Variants in IL34 observed in about 807,000 individuals in gnomAD.
IL34 encodes interleukin-34.
In IL34, 17 loss-of-function variants were observed where a neutral mutation model predicts 25.3. The observed-to-expected ratio is 0.67, with a 90% CI of 0.46 to 1.01. IL34 has a LOEUF of 1.01. Among genes scored for constraint, IL34 ranks in the 50% least tolerant of loss-of-function variants. The probability of loss-of-function intolerance (pLI) is 0.00; values close to 1 mark genes in which losing one functional copy is unlikely to be tolerated. For synonymous variants in IL34, 174 were observed against 140.9 expected (o/e 1.23, Z -1.66); for missense variants, 368 against 312.9 (o/e 1.18, Z -1.33).
chr16:70,584,262 G>A (rs1449425399), intron 1 of IL34, among the ~76,000 whole-genome samples: 5 of 152,164 alleles, frequency 3.3e-5, no homozygotes, highest in Non-Finnish European at 5.9e-5. Flanking sequence ...TGTCCCCTGG[G>A]AACTGGGCTG....
At chr16:70,648,015 G>A (rs1282029059) in intron 1 of IL34, among the ~76,000 whole-genome samples, 1 of 152,218 alleles carries the variant, frequency 6.6e-6, no homozygotes, top group East Asian at 1.9e-4. Context: ...AGGTTTGGCG[G>A]TGGGATGGTG....
At chr16:70,658,297 A>G (rs1393637622) in intron 4 of IL34, among the ~76,000 whole-genome samples, 1 of 152,064 alleles carries the variant, frequency 6.6e-6, no homozygotes, top group African/African-American at 2.4e-5. Flanking sequence ...AGACTCCTTG[A>G]TCTGCTTGGT....
intron 1 of IL34, among the ~76,000 whole-genome samples, chr16:70,586,659 A>ATG (rs1193794910): frequency 6.6e-6 from 1 of 152,118 alleles, no homozygotes; most frequent in Non-Finnish European, 1.5e-5. Context: ...CGTGGGGTAG[A>ATG]TGTGGGGTAG....
intron 1 of IL34, among the ~76,000 whole-genome samples, chr16:70,638,014 G>A (rs2051695391): frequency 6.6e-6 from 1 of 152,074 alleles, no homozygotes; most frequent in Non-Finnish European, 1.5e-5. Flanking sequence ...GGATATCCCA[G>A]GCATTCAGCT....
intron 1 of IL34, among the ~76,000 whole-genome samples, chr16:70,653,346 C>CAAAAAAAAA (rs200626111): frequency 0.011 from 915 of 86,714 alleles, 3 homozygotes; most frequent in Middle Eastern, 0.015. Flanking sequence ...AACCCTGTCT[C>CAAAAAAAAA]AAAAAAAAAA....
chr16:70,592,553 C>T (rs1229436537), intron 1 of IL34, among the ~76,000 whole-genome samples: 1 of 152,020 alleles, frequency 6.6e-6, no homozygotes, highest in Admixed American at 6.5e-5. Context: ...AAAGCCTATA[C>T]CAGTTGCTGA....
In IL34 at chr16:70,600,930, AGC is replaced by A. The variant is rs1255606262; in HGVS notation, c.-401+20882_-401+20883del. ...GGAGAAATGAGAAGATGCTGGCAGA[AGC>A]AGGGCTGCTGGGAGGAGTAGGGGAT... On this transcript the variant is annotated intron_variant, in intron 1 of 6. Coordinates refer to the IL34 transcript ENST00000429149. Among the ~76,000 whole-genome samples, 433 of 141,930 alleles carry A rather than the reference AGC, an allele frequency of 3.1e-3. 2 individuals are homozygous for A. Among genetic ancestry groups the A allele is most frequent in the African/African-American group, 0.012 (403 of 32,690 alleles). The allele number at this position is 141,930 out of a possible 152,430, so 93.1% of individuals were successfully genotyped here.
intron 1 of IL34, among the ~76,000 whole-genome samples, chr16:70,593,838 T>A (rs1299919725): frequency 3.3e-5 from 5 of 152,300 alleles, no homozygotes; most frequent in African/African-American, 1.2e-4. Flanking sequence ...TATCTAGATT[T>A]TTTTCTTGCA....
At chr16:70,615,998 T>C (rs1256577559) in intron 1 of IL34, among the ~76,000 whole-genome samples, 3 of 152,174 alleles carry the variant, frequency 2.0e-5, no homozygotes. Context: ...CAGATATTTA[T>C]AGATAAAAGC....
intron 1 of IL34, among the ~76,000 whole-genome samples, chr16:70,627,928 A>G (rs548308844): frequency 1.3e-5 from 2 of 152,254 alleles, no homozygotes; most frequent in Admixed American, 6.5e-5. Flanking sequence ...GTGCCCATGT[A>G]TACAGATTTC....
intron 1 of IL34, among the ~76,000 whole-genome samples, chr16:70,632,087 G>C (rs2051531379): frequency 7.0e-6 from 1 of 142,072 alleles, no homozygotes; most frequent in Non-Finnish European, 1.5e-5. Context: ...GGGTGATAGA[G>C]TGAGACCCTG....
In IL34 at chr16:70,660,501, G is replaced by A. The variant is rs942563181; in HGVS notation, c.*314G>A. ...GGGGGTACTGAGCCTCCTGTGGCCC[G>A]CAGCAGTGAGGGCACAGCTGTGGGT... On this transcript the variant is annotated 3_prime_UTR_variant, in exon 6 of 6. Transcript: ENST00000288098. 2.1e-5 allele frequency: 6 copies of A among 279,704 alleles called. No homozygotes were observed. Among genetic ancestry groups the A allele is most frequent in the African/African-American group, 6.6e-5 (3 of 45,666 alleles). The allele number at this position is 279,704 out of a possible 1,614,324, so 17.3% of individuals were successfully genotyped here.
chr16:70,613,888 G>A (rs1168822376), intron 1 of IL34, among the ~76,000 whole-genome samples: 8 of 149,222 alleles, frequency 5.4e-5, no homozygotes, highest in African/African-American at 1.7e-4. Flanking sequence ...AAAAAAAAAA[G>A]AAAGAAATGC....
chr16:70,613,564 C>A (rs921136858), intron 1 of IL34, among the ~76,000 whole-genome samples: 2 of 152,148 alleles, frequency 1.3e-5, no homozygotes, highest in African/African-American at 4.8e-5. Context: ...TCTGCAGCAC[C>A]TGGGAGCTTG....
intron 1 of IL34, among the ~76,000 whole-genome samples, chr16:70,640,358 T>A (rs2051751804): frequency 6.6e-6 from 1 of 152,162 alleles, no homozygotes; most frequent in South Asian, 2.1e-4. Flanking sequence ...TATTACCTTG[T>A]GTCAACTGTA....
intron 1 of IL34, among the ~76,000 whole-genome samples, chr16:70,604,013 C>T (rs1004513365): frequency 1.3e-5 from 2 of 152,208 alleles, no homozygotes; most frequent in Admixed American, 6.5e-5. Context: ...TTAATTAGTG[C>T]AGTGAAGCTC....
intron 1 of IL34, among the ~76,000 whole-genome samples, chr16:70,605,272 G>C (rs2050985854): frequency 6.6e-6 from 1 of 152,156 alleles, no homozygotes. Context: ...GTTGAGAAGA[G>C]TCCAGGACCC....
intron 4 of IL34, among the ~76,000 whole-genome samples, chr16:70,658,316 T>C (rs1397880999): frequency 6.6e-6 from 1 of 152,144 alleles, no homozygotes; most frequent in African/African-American, 2.4e-5. Flanking sequence ...GTGGCTCTTT[T>C]TCCTGTTTAT....
intron 2 of IL34, 117 bp downstream of exon 2, chr16:70,654,788 G>T (rs1399586918): frequency 2.3e-6 from 3 of 1,318,624 alleles, no homozygotes; most frequent in Non-Finnish European, 3.1e-6. Flanking sequence ...GCCGACCATG[G>T]CCTGTTTCTC....
Sources: gnomAD v4.1 joint callset for allele counts (sites outside exome capture counted in the v4.1 genomes callset) on GRCh38, gnomAD v4.1.1 for gene constraint, MANE v1.5 for transcripts, NCBI Gene and HGNC (gene_info 2026-07-23, HGNC 2026-07-21) for gene names.